CCSER1: variants seen among roughly 807,000 people sequenced by gnomAD.
CCSER1 encodes serine-rich coiled-coil domain-containing protein 1.
In CCSER1, 41 loss-of-function variants were observed where a neutral mutation model predicts 82.0. The ratio of observed to expected loss-of-function variants is 0.50; its 90% confidence interval spans 0.39 to 0.65. The LOEUF is 0.65. Ranked by LOEUF, CCSER1 falls within the 30% of genes least tolerant of loss-of-function variation. The pLI is 0.00. For synonymous variants in CCSER1, 414 were observed against 383.9 expected, an observed-to-expected ratio of 1.08 and a Z score of -0.92; for missense variants, 1,119 against 1,064.2, an observed-to-expected ratio of 1.05 and a Z score of -0.72.
intron 3 of CCSER1, among the ~76,000 whole-genome samples, chr4:90,321,327 A>G (rs1208619210): frequency 2.0e-5 from 3 of 152,032 alleles, no homozygotes; most frequent in Non-Finnish European, 4.4e-5. Flanking sequence ...GTCTTTCCAC[A>G]CTTCATTAAT....
At chr4:91,180,792 C>T (rs1224421694) in intron 10 of CCSER1, among the ~76,000 whole-genome samples, 1 of 152,214 alleles carries the variant, frequency 6.6e-6, no homozygotes, top group Non-Finnish European at 1.5e-5. Flanking sequence ...GGTCTCACAA[C>T]CTTCAGAGCT....
chr4:90,881,922 T>C (rs1458208528), intron 8 of CCSER1, among the ~76,000 whole-genome samples: 1 of 152,170 alleles, frequency 6.6e-6, no homozygotes, highest in African/African-American at 2.4e-5. Flanking sequence ...AATGCGAATA[T>C]GTTTTATGAT....
chr4:91,431,222 C>T (rs1578433831), intron 10 of CCSER1, among the ~76,000 whole-genome samples: 1 of 151,946 alleles, frequency 6.6e-6, no homozygotes, highest in South Asian at 2.1e-4. Flanking sequence ...GGCAACAGAG[C>T]GAGACTCCAT....
intron 10 of CCSER1, among the ~76,000 whole-genome samples, chr4:91,411,079 T>C (rs1417372651): frequency 6.6e-6 from 1 of 151,984 alleles, no homozygotes; most frequent in Non-Finnish European, 1.5e-5. Flanking sequence ...TTTATAAATT[T>C]TCCTATAATA....
At chr4:90,839,775 T>G (rs1762325879) in intron 8 of CCSER1, among the ~76,000 whole-genome samples, 2 of 152,226 alleles carry the variant, frequency 1.3e-5, no homozygotes, top group Admixed American at 1.3e-4. Context: ...CTAAAAATTC[T>G]TCTCCCATTC....
chr4:90,283,624 T>C (rs1333480120), intron 1 of CCSER1, among the ~76,000 whole-genome samples: 1 of 152,084 alleles, frequency 6.6e-6, no homozygotes, highest in Non-Finnish European at 1.5e-5. Flanking sequence ...TATATCTAAC[T>C]GCATTTTTGT....
At chr4:90,713,160 T>TA (rs1740973797) in intron 6 of CCSER1, among the ~76,000 whole-genome samples, 1 of 152,084 alleles carries the variant, frequency 6.6e-6, no homozygotes, top group South Asian at 2.1e-4. Flanking sequence ...TTAATACCGT[T>TA]ATGTGTGAAT....
At chr4:91,397,352 A>G (rs77823709) in intron 10 of CCSER1, among the ~76,000 whole-genome samples, 1 of 152,078 alleles carries the variant, frequency 6.6e-6, no homozygotes, top group South Asian at 2.1e-4. Flanking sequence ...AATGGATTAC[A>G]TAAGAAGATG....
At chr4:90,451,371 C>T (rs1314180846) in intron 4 of CCSER1, among the ~76,000 whole-genome samples, 1 of 152,146 alleles carries the variant, frequency 6.6e-6, no homozygotes, top group Non-Finnish European at 1.5e-5. Flanking sequence ...GCCAGTCTTC[C>T]CCGAGGTAGA....
At chr4:91,209,263 G>T in intron 10 of CCSER1, among the ~76,000 whole-genome samples, 1 of 151,910 alleles carries the variant, frequency 6.6e-6, no homozygotes, top group Non-Finnish European at 1.5e-5. Context: ...ATTAGGAGTG[G>T]TGAGAGTGGG....
At chr4:90,558,237 A>G (rs1778353194) in intron 5 of CCSER1, among the ~76,000 whole-genome samples, 1 of 152,340 alleles carries the variant, frequency 6.6e-6, no homozygotes, top group East Asian at 1.9e-4. Flanking sequence ...TTGCAATTAA[A>G]AAGAAAACAG....
intron 10 of CCSER1, among the ~76,000 whole-genome samples, chr4:91,147,356 T>G (rs1004653494): frequency 3.3e-5 from 5 of 152,182 alleles, no homozygotes; most frequent in African/African-American, 1.2e-4. Context: ...GCTACGTTTT[T>G]CCACAGACTT....
chr4:90,453,671 C>G (rs923673480), intron 4 of CCSER1, among the ~76,000 whole-genome samples: 1 of 152,126 alleles, frequency 6.6e-6, no homozygotes, highest in East Asian at 1.9e-4. Context: ...GCCAAAATAT[C>G]CCTGCCCAAG....
intron 10 of CCSER1, among the ~76,000 whole-genome samples, chr4:91,475,165 A>T (rs1757518033): frequency 6.6e-6 from 1 of 151,564 alleles, no homozygotes; most frequent in South Asian, 2.1e-4. Flanking sequence ...TATGTTTTAA[A>T]GGATGTTGTG....
At chr4:91,483,041 T>C (rs997149450) in intron 10 of CCSER1, among the ~76,000 whole-genome samples, 5 of 151,402 alleles carry the variant, frequency 3.3e-5, no homozygotes, top group Non-Finnish European at 7.4e-5. Context: ...CATGTATACA[T>C]ATGTAACAAA....
At chr4:90,575,771 A>G (rs1780684150) in intron 5 of CCSER1, among the ~76,000 whole-genome samples, 1 of 152,058 alleles carries the variant, frequency 6.6e-6, no homozygotes, top group African/African-American at 2.4e-5. Flanking sequence ...CTACTTTCAC[A>G]TTTAATAAAT....
At chr4:91,537,231 G>C (rs898789100) in intron 10 of CCSER1, among the ~76,000 whole-genome samples, 3 of 152,078 alleles carry the variant, frequency 2.0e-5, no homozygotes, top group Non-Finnish European at 2.9e-5. Context: ...TCAAGTGACT[G>C]TTCCAAAGTC....
intron 10 of CCSER1, among the ~76,000 whole-genome samples, chr4:91,139,911 G>A (rs1455732429): frequency 6.6e-6 from 1 of 151,928 alleles, no homozygotes; most frequent in Non-Finnish European, 1.5e-5. Flanking sequence ...TTTTGAAAAA[G>A]TACAAAGAAA....
chr4:90,533,481 G>A (rs1015882409), intron 5 of CCSER1, among the ~76,000 whole-genome samples: 1 of 152,190 alleles, frequency 6.6e-6, no homozygotes, highest in Admixed American at 6.5e-5. Context: ...GCCATCAGAA[G>A]CCTGAATGCC....
Sources: allele counts gnomAD v4.1 joint callset (sites outside exome capture counted in the v4.1 genomes callset), GRCh38; gene constraint gnomAD v4.1.1; transcripts MANE v1.5; gene names NCBI Gene and HGNC (gene_info 2026-07-23, HGNC 2026-07-21).